The following STK32C variants were observed in gnomAD, a reference collection of about 807,000 sequenced individuals.
STK32C encodes serine/threonine kinase 32C, also known as serine/threonine-protein kinase 32C.
In STK32C, 31 loss-of-function variants were observed where a neutral mutation model predicts 56.5. That is an observed-to-expected ratio of 0.55 (90% CI 0.41 to 0.74). The LOEUF (loss-of-function observed/expected upper bound fraction) is 0.74. Among genes scored for constraint, STK32C ranks in the 30% least tolerant of loss-of-function variants. The pLI is 0.00. For synonymous variants in STK32C, 309 were observed against 289.4 expected (o/e 1.07, Z -0.69); for missense variants, 544 against 676.9 (o/e 0.80, Z 2.18).
At chr10:132,272,153 G>C (rs2064848698) in intron 1 of STK32C, among the ~76,000 whole-genome samples, 1 of 152,232 alleles carries the variant, frequency 6.6e-6, no homozygotes, top group Admixed American at 6.5e-5. Context: ...GTGGAGATGA[G>C]ATCTTCAAAG....
At chr10:132,311,406 G>A (rs1002813110), upstream of STK32C, among the ~76,000 whole-genome samples, 8 of 152,256 alleles carry the variant, frequency 5.3e-5, no homozygotes, top group African/African-American at 1.4e-4. This position sits in a 1 kb window ranked among gnomAD's most constrained non-coding sequence, Gnocchi z 4.4. Flanking sequence ...GGAAATGGAA[G>A]ACAGATGGCC....
chr10:132,265,970 C>T (rs919246409), intron 1 of STK32C, among the ~76,000 whole-genome samples: 4 of 152,200 alleles, frequency 2.6e-5, no homozygotes, highest in Admixed American at 1.3e-4. Flanking sequence ...CTTGCTGTGC[C>T]ACCCGGCAAT....
intron 2 of STK32C, among the ~76,000 whole-genome samples, chr10:132,229,182 G>A (rs966409807): frequency 6.6e-6 from 1 of 152,210 alleles, no homozygotes; most frequent in Non-Finnish European, 1.5e-5. Flanking sequence ...CACTCAGGTT[G>A]GGAGAGACCT....
In STK32C at chr10:132,280,414, CCT is replaced by C. The variant is rs200883735; in HGVS notation, c.262+27156_262+27157del. Reference sequence around the variant, plus strand: ...ACCCCGTGATCACGCACCTCCACCCCCTGATCACACCACTGCACTCCGTGATC... The same window carrying C: ...ACCCCGTGATCACGCACCTCCACCCCGATCACACCACTGCACTCCGTGATC... On this transcript the variant is annotated intron_variant, in intron 1 of 11. Coordinates refer to ENST00000298630, the MANE Select transcript of STK32C (RefSeq NM_173575.4). Among the ~76,000 whole-genome samples the C allele has an allele frequency of 4.6e-3, 653 of 140,932 alleles. 8 individuals are homozygous for C. The highest frequency in any genetic ancestry group is 0.016 in the African/African-American group (587 of 37,064). 92.5% of individuals were successfully genotyped at this position (140,932 alleles called of 152,430 possible). A position where few individuals can be genotyped will look rare whatever the true frequency, so the allele number is the denominator to read the frequency against.
At chr10:132,298,162 G>A (rs1050223073) in intron 1 of STK32C, among the ~76,000 whole-genome samples, 41 of 152,322 alleles carry the variant, frequency 2.7e-4, no homozygotes, top group African/African-American at 9.6e-4. Flanking sequence ...CAGCCCGGCC[G>A]ACCCGCAGCA....
chr10:132,229,280 C>A (rs2063010208), intron 2 of STK32C, among the ~76,000 whole-genome samples: 1 of 152,176 alleles, frequency 6.6e-6, no homozygotes, highest in Admixed American at 6.5e-5. Flanking sequence ...CAGCAGGGGG[C>A]CTGGAGGAAA....
rs2066126918 is a variant in STK32C, at chr10:132,307,839, G to C, written c.-6C>G. On this transcript the variant is annotated 5_prime_UTR_variant, in exon 1 of 12. Coordinates refer to ENST00000298630, the MANE Select transcript of STK32C (RefSeq NM_173575.4). This position sits in a 1 kb window ranked among gnomAD's most constrained non-coding sequence, Gnocchi z 4.4. ...CGCTCGGCGCCACTCCTCATCGCCG[G>C]GTCTGGGTGCGCGCGGCAGCCGGAA... 3 of 1,136,420 alleles carry C rather than the reference G, an allele frequency of 2.6e-6. No homozygotes were observed. The highest frequency in any genetic ancestry group is 1.1e-6 in the Non-Finnish European group (1 of 920,640). 70.4% of individuals were successfully genotyped at this position (1,136,420 alleles called of 1,614,324 possible). A position where few individuals can be genotyped will look rare whatever the true frequency, so the allele number is the denominator to read the frequency against.
In STK32C at chr10:132,284,673, A is replaced by G. The variant is rs1440005448; in HGVS notation, c.262+22899T>C. 7.4e-5 allele frequency among the ~76,000 whole-genome samples: 11 copies of G among 149,484 alleles called. No homozygotes were observed. In the East Asian group the frequency reaches 8.3e-4, roughly 11 times the overall value. On this transcript the variant is annotated intron_variant, in intron 1 of 11. Coordinates refer to ENST00000298630, the MANE Select transcript of STK32C (RefSeq NM_173575.4). ...CTGCCCAAAGACCAGGCATGAACCC[A>G]GAACACATTCCCACATCTGCCCAAA...
intron 1 of STK32C, among the ~76,000 whole-genome samples, chr10:132,262,901 C>A (rs1166433060): frequency 1.3e-5 from 2 of 151,566 alleles, no homozygotes; most frequent in African/African-American, 4.8e-5. Context: ...GACACCATCT[C>A]ACACCAGTCA....
intron 1 of STK32C, among the ~76,000 whole-genome samples, chr10:132,281,987 C>T (rs968715586): frequency 2.0e-5 from 3 of 152,250 alleles, no homozygotes; most frequent in African/African-American, 4.8e-5. Context: ...AGAGCAGCGT[C>T]CCTGCTGAGC....
intron 1 of STK32C, among the ~76,000 whole-genome samples, chr10:132,282,806 G>T (rs1211554077): frequency 6.6e-6 from 1 of 152,368 alleles, no homozygotes; most frequent in African/African-American, 2.4e-5. Flanking sequence ...AGAAGTGACT[G>T]CTGCACCCTA....
intron 10 of STK32C, among the ~76,000 whole-genome samples, chr10:132,216,635 G>A (rs1469788965): frequency 1.3e-5 from 2 of 152,220 alleles, no homozygotes; most frequent in South Asian, 2.1e-4. Context: ...CAGAGGCCTA[G>A]GAGGAAAAAA....
At chr10:132,246,000 C>T in intron 1 of STK32C, 45 bp from the exon 2 acceptor site, 1 of 1,589,884 alleles carries the variant, frequency 6.3e-7, no homozygotes, top group Non-Finnish European at 8.6e-7. Flanking sequence ...GGCAGCAAGG[C>T]CCCACCCCAG....
intron 2 of STK32C, among the ~76,000 whole-genome samples, chr10:132,238,789 A>G (rs929513404): frequency 2.6e-5 from 4 of 152,174 alleles, no homozygotes; most frequent in African/African-American, 7.2e-5. Context: ...ATGCACACAC[A>G]CACACATACC....
At chr10:132,268,089 G>A (rs1348901050) in intron 1 of STK32C, among the ~76,000 whole-genome samples, 1 of 151,246 alleles carries the variant, frequency 6.6e-6, no homozygotes, top group Non-Finnish European at 1.5e-5. Flanking sequence ...GTGTGTCGGT[G>A]TGTGTGCATG....
At chr10:132,251,448 C>T (rs1377092083) in intron 1 of STK32C, among the ~76,000 whole-genome samples, 1 of 152,168 alleles carries the variant, frequency 6.6e-6, no homozygotes, top group Non-Finnish European at 1.5e-5. Flanking sequence ...GGGCATGGTC[C>T]CTTCCTTATA....
intron 4 of STK32C, 95 bp from the exon 5 acceptor site, chr10:132,225,879 C>T: frequency 2.0e-6 from 3 of 1,515,700 alleles, no homozygotes; most frequent in Non-Finnish European, 1.8e-6. Flanking sequence ...CAGGACATCC[C>T]ACCAACCCAC....
At chr10:132,229,459 T>C (rs2063018252) in intron 2 of STK32C, among the ~76,000 whole-genome samples, 1 of 152,238 alleles carries the variant, frequency 6.6e-6, no homozygotes, top group Non-Finnish European at 1.5e-5. Flanking sequence ...ACTGTACCAC[T>C]GAACTCAGCC....
chr10:132,255,476 G>A lies in STK32C; in HGVS notation c.263-9521C>T, dbSNP rs1217588221. Among the ~76,000 whole-genome samples the A allele has an allele frequency of 6.6e-6, 1 of 152,184 alleles. No individual in the cohort carries two copies. The highest frequency in any genetic ancestry group is 1.5e-5 in the Non-Finnish European group (1 of 68,030). On this transcript the variant is annotated intron_variant, in intron 1 of 11. Transcript: ENST00000298630. The surrounding 1 kb of genome is among the most constrained non-coding windows in gnomAD (Gnocchi z 4.6). ...AAGACCCACCACGCTGACGGGCAGG[G>A]TTGACGCAGATGGGGACAAGACAGG...
Sources: allele counts gnomAD v4.1 joint callset (sites outside exome capture counted in the v4.1 genomes callset), GRCh38; gene constraint gnomAD v4.1.1; non-coding constraint Gnocchi (gnomAD v3.1); transcripts MANE v1.5; gene names NCBI Gene and HGNC (gene_info 2026-07-23, HGNC 2026-07-21).